BRD1: variants seen among roughly 807,000 people sequenced by gnomAD.
The protein encoded by BRD1 is bromodomain-containing protein 1.
In BRD1, 24 loss-of-function variants were observed where a neutral mutation model predicts 107.7. The ratio of observed to expected loss-of-function variants is 0.22; its 90% CI spans 0.16 to 0.31. BRD1 has a LOEUF of 0.31. Ranked by LOEUF, BRD1 falls within the 10% of genes least tolerant of loss-of-function variation. The pLI is 1.00. For missense variants in BRD1, 1,279 were observed against 1,638.6 expected (o/e 0.78, Z 3.79); for synonymous variants, 744 against 686.1 (o/e 1.08, Z -1.32).
At chr22:49,796,245 C>A (rs1027310295) in intron 6 of BRD1, among the ~76,000 whole-genome samples, 3 of 152,078 alleles carry the variant, frequency 2.0e-5, no homozygotes. Context: ...TGCCCGCCAC[C>A]ATGCCTGGCT....
intron 2 of BRD1, among the ~76,000 whole-genome samples, chr22:49,811,249 G>A (rs1747462902): frequency 6.6e-6 from 1 of 152,200 alleles, no homozygotes; most frequent in African/African-American, 2.4e-5. Flanking sequence ...GGGGGAGGAT[G>A]AGAAGGTGGG....
At position 49,823,828 on chromosome 22, in the gene BRD1, C is replaced by A; in HGVS notation, c.490G>T (p.Ala164Ser). ...VEYDMDEEDY[A>S]WLEIVNEKRK... ...TTCTCATTGACGATCTCCAGCCAGGCATAGTCCTCCTCGTCCATGTCATAC... is the reference window on the plus strand; with the variant it reads ...TTCTCATTGACGATCTCCAGCCAGGAATAGTCCTCCTCGTCCATGTCATAC... The change falls in exon 2 of 13, where the codon GCC becomes TCC. Residue 164 changes from alanine to serine, a missense_variant. Physicochemically the swap from Ala to Ser is moderately conservative, Grantham distance 99 (BLOSUM62 1). Around this residue, in one of 7 missense-constraint regions of BRD1, gnomAD observed 223 missense variants for 263.5 expected, o/e 0.85. Transcript: ENST00000404760. 6.2e-7 allele frequency: 1 copy of A among 1,614,174 alleles called. No individual in the cohort carries two copies. Among genetic ancestry groups the A allele is most frequent in the Non-Finnish European group, 8.5e-7 (1 of 1,180,036 alleles).
rs2060114679 is a variant in BRD1, at chr22:49,823,911, G to A, written c.407C>T (p.Pro136Leu). Residue 136 changes from proline (P) to leucine (L), a missense_variant, in exon 2 of 13, where the codon CCT becomes CTT. By Grantham distance (98) the Pro-to-Leu change is moderately conservative. Transcript: ENST00000404760. The stretch of plus-strand genomic sequence containing the variant: ...CTCGATGAACTTGTAGTACACAGGA[G>A]GCCTCCTGGGGGCGGACGGAGGGCT... ...EYSPPSAPRR[P>L]PVYYKFIEKS... 1.9e-6 allele frequency: 3 copies of A among 1,614,222 alleles called. No individual in the cohort carries two copies. The highest frequency in any genetic ancestry group is 2.5e-6 in the Non-Finnish European group (3 of 1,180,048).
intron 2 of BRD1, chr22:49,821,056 C>T (rs911117860): frequency 3.3e-5 from 5 of 152,376 alleles, no homozygotes; most frequent in African/African-American, 1.2e-4. Context: ...AGCTCCAATA[C>T]ATGCTTTCAA....
chr22:49,804,261 C>T lies in BRD1; in HGVS notation c.1467G>A (p.Gly489=). 2 of 1,609,730 alleles carry T rather than the reference C, an allele frequency of 1.2e-6. No homozygotes were observed. The highest frequency in any genetic ancestry group is 1.7e-6 in the Non-Finnish European group (2 of 1,178,084). The change falls in exon 3 of 13, where the codon GGG becomes GGA. Residue 489 remains glycine (G), a synonymous_variant. Coordinates refer to ENST00000404760, the MANE Select transcript of BRD1 (RefSeq NM_001304808.3). ...YWLLKRLSRN[G]APLLRRLQSS... is the part of the protein sequence containing the mutation. Reference sequence around the variant, plus strand: ...ACTGCAGCCGCCGCAGCAGGGGGGCCCCGTTCCTGGACAGCCGCTTGAGCA... The same window carrying T: ...ACTGCAGCCGCCGCAGCAGGGGGGCTCCGTTCCTGGACAGCCGCTTGAGCA...
intron 2 of BRD1, among the ~76,000 whole-genome samples, chr22:49,814,051 G>C (rs548854049): frequency 6.6e-6 from 1 of 152,204 alleles, no homozygotes; most frequent in African/African-American, 2.4e-5. Flanking sequence ...ACGGGTGCAC[G>C]AACGGAATTC....
chr22:49,791,544 C>T (rs138845), intron 7 of BRD1, among the ~76,000 whole-genome samples: 37,785 of 152,152 alleles, frequency 0.25, 6,473 homozygotes, highest in African/African-American at 0.49. Flanking sequence ...CTGATGAGAA[C>T]GTTCATGCTG....
At chr22:49,801,274 C>T (rs118135497) in intron 3 of BRD1, among the ~76,000 whole-genome samples, 4 of 152,340 alleles carry the variant, frequency 2.6e-5, no homozygotes, top group Non-Finnish European at 4.4e-5. Context: ...CGGCCTTCAA[C>T]GGCCACACAC....
chr22:49,796,846 G>A (rs1268381605), intron 6 of BRD1, among the ~76,000 whole-genome samples: 1 of 142,100 alleles, frequency 7.0e-6, no homozygotes, highest in Non-Finnish European at 1.6e-5. Flanking sequence ...GCGGGAACGT[G>A]GACCCCGCGA....
chr22:49,791,412 C>T (rs2059431841), intron 7 of BRD1, among the ~76,000 whole-genome samples: 2 of 152,342 alleles, frequency 1.3e-5, no homozygotes, highest in South Asian at 2.1e-4. Context: ...AAAATATAAA[C>T]ACAACACACA....
At chr22:49,807,925 C>T (rs896714945) in intron 2 of BRD1, among the ~76,000 whole-genome samples, 1 of 152,128 alleles carries the variant, frequency 6.6e-6, no homozygotes, top group African/African-American at 2.4e-5. Flanking sequence ...ATAGACAATT[C>T]TTCAAAAGTG....
chr22:49,804,157 TG>T (rs1555910568), intron 3 of BRD1, 46 bp downstream of exon 3: 5 of 1,484,750 alleles, frequency 3.4e-6, no homozygotes, highest in African/African-American at 2.8e-5. Context: ...CCCTGGAGGG[TG>T]GGGGTGAGAG....
At position 49,803,378 on chromosome 22, in the gene BRD1, G is replaced by A. The variant is rs541737521; in HGVS notation, c.1524+826C>T. On this transcript the variant is annotated intron_variant, in intron 3 of 12. Coordinates refer to ENST00000404760, the MANE Select transcript of BRD1 (RefSeq NM_001304808.3). The surrounding 1 kb of genome is among the most constrained non-coding windows in gnomAD (Gnocchi z 4.4). ...AAAGCACCATGAGGAAATTCCAAGA[G>A]GCACTCAGGCCACGCGACGCCAGCA... 6.6e-6 allele frequency among the ~76,000 whole-genome samples: 1 copy of A among 152,324 alleles called. No homozygotes were observed. Among genetic ancestry groups the A allele is most frequent in the Admixed American group, 6.5e-5 (1 of 15,300 alleles).
At chr22:49,785,942 G>T (rs1227855776) in intron 8 of BRD1, among the ~76,000 whole-genome samples, 3 of 152,274 alleles carry the variant, frequency 2.0e-5, no homozygotes, top group Middle Eastern at 3.4e-3. Context: ...AAGGAACAGG[G>T]ACAAGATGTG....
intron 2 of BRD1, 81 bp downstream of exon 2, chr22:49,822,870 G>C: frequency 6.6e-7 from 1 of 1,504,858 alleles, no homozygotes. Flanking sequence ...CACACAGCAC[G>C]GGCCCTGCAG....
intron 6 of BRD1, among the ~76,000 whole-genome samples, chr22:49,794,955 G>T (rs1453090140): frequency 1.3e-5 from 2 of 152,066 alleles, no homozygotes; most frequent in Non-Finnish European, 2.9e-5. Flanking sequence ...AAAAGAAACT[G>T]CTCCTCAGAG....
At chr22:49,825,255 G>A (rs2060134100) in intron 1 of BRD1, among the ~76,000 whole-genome samples, 2 of 152,122 alleles carry the variant, frequency 1.3e-5, no homozygotes, top group African/African-American at 4.8e-5. Flanking sequence ...GAAGGCAGAC[G>A]CTCCACTCAG....
chr22:49,776,936 C>T, intron 10 of BRD1, 98 bp downstream of exon 10: 1 of 1,540,676 alleles, frequency 6.5e-7, no homozygotes, highest in Non-Finnish European at 8.8e-7. Flanking sequence ...ACACAGGGCA[C>T]CATGCTCCCT....
chr22:49,818,059 G>C (rs75642747), intron 2 of BRD1, among the ~76,000 whole-genome samples: 143 of 152,350 alleles, frequency 9.4e-4, no homozygotes, highest in African/African-American at 3.4e-3. Flanking sequence ...ATTTTCACCT[G>C]AGTGATGCTT....
Sources: allele counts gnomAD v4.1 joint callset (sites outside exome capture counted in the v4.1 genomes callset), GRCh38; gene constraint gnomAD v4.1.1; regional missense constraint gnomAD v4.1.1; non-coding constraint Gnocchi (gnomAD v3.1); transcripts MANE v1.5; gene names NCBI Gene and HGNC (gene_info 2026-07-23, HGNC 2026-07-21).